The following CSMD1 variants were observed in gnomAD, a reference collection of about 807,000 sequenced individuals.
CSMD1 encodes the protein CUB and sushi domain-containing protein 1.
Under a neutral mutation model 417.5 loss-of-function variants are expected in CSMD1, and 213 were observed. That is an observed-to-expected ratio of 0.51 (90% CI 0.46 to 0.57). The LOEUF (loss-of-function observed/expected upper bound fraction) is 0.57. Among genes scored for constraint, CSMD1 ranks in the 20% least tolerant of loss-of-function variants. The probability of loss-of-function intolerance (pLI) is 0.00; values close to 1 mark genes in which losing one functional copy is unlikely to be tolerated. For missense variants in CSMD1, 6,923 were observed against 4,529.7 expected, an observed-to-expected ratio of 1.53 and a Z score of -15.17; for synonymous variants, 2,862 against 1,736.8, an observed-to-expected ratio of 1.65 and a Z score of -16.11.
intron 1 of CSMD1, among the ~76,000 whole-genome samples, chr8:4,711,446 C>G (rs1808291096): frequency 6.6e-6 from 1 of 151,648 alleles, no homozygotes; most frequent in Non-Finnish European, 1.5e-5. Flanking sequence ...CATTTTCAAA[C>G]AAAGGTGTGA....
chr8:3,744,808 ATTT>A (rs1168641195), intron 6 of CSMD1, among the ~76,000 whole-genome samples: 3 of 99,240 alleles, frequency 3.0e-5, no homozygotes, highest in Non-Finnish European at 5.0e-5. Flanking sequence ...ATTCTTATTT[ATTT>A]TGTTTCATAT....
chr8:3,680,895 A>T (rs1381620003), intron 7 of CSMD1, among the ~76,000 whole-genome samples: 2 of 152,234 alleles, frequency 1.3e-5, no homozygotes, highest in African/African-American at 4.8e-5. Context: ...TACGCAAATC[A>T]GTAAACGTAA....
intron 2 of CSMD1, among the ~76,000 whole-genome samples, chr8:4,624,089 T>C (rs1041192775): frequency 2.6e-5 from 4 of 152,296 alleles, no homozygotes; most frequent in East Asian, 1.9e-4. Context: ...AAATCTATTA[T>C]GTATCCAAGG....
chr8:4,664,682 G>A (rs1205908534), intron 1 of CSMD1, among the ~76,000 whole-genome samples: 1 of 152,108 alleles, frequency 6.6e-6, no homozygotes, highest in Non-Finnish European at 1.5e-5. Flanking sequence ...AACAGGTTGG[G>A]AGCCATACAC....
chr8:4,938,082 A>G (rs1387588111), intron 1 of CSMD1, among the ~76,000 whole-genome samples: 1 of 152,208 alleles, frequency 6.6e-6, no homozygotes, highest in African/African-American at 2.4e-5. Flanking sequence ...TTAAAATTTT[A>G]TCCCTTTTAG....
At chr8:3,401,695 G>C (rs1010363423) in intron 15 of CSMD1, among the ~76,000 whole-genome samples, 12 of 152,054 alleles carry the variant, frequency 7.9e-5, no homozygotes, top group African/African-American at 2.7e-4. Context: ...AGTTGCTATG[G>C]CAGGTGGAAA....
At chr8:3,666,187 C>T (rs1020787224) in intron 7 of CSMD1, among the ~76,000 whole-genome samples, 3 of 152,318 alleles carry the variant, frequency 2.0e-5, no homozygotes, top group South Asian at 2.1e-4. Flanking sequence ...TGAGCCACCA[C>T]GCTTGGCTTG....
At chr8:4,214,293 T>A (rs1016164057) in intron 3 of CSMD1, among the ~76,000 whole-genome samples, 10 of 152,332 alleles carry the variant, frequency 6.6e-5, no homozygotes, top group African/African-American at 2.4e-4. Flanking sequence ...AAATTAGTAG[T>A]AATAGTATTA....
chr8:4,633,805 C>G (rs576387954), intron 2 of CSMD1, among the ~76,000 whole-genome samples: 1 of 151,762 alleles, frequency 6.6e-6, no homozygotes, highest in African/African-American at 2.4e-5. Flanking sequence ...AGGTGATCCA[C>G]CCGCCTTAGC....
At chr8:3,513,291 A>G (rs1435218965) in intron 10 of CSMD1, among the ~76,000 whole-genome samples, 1 of 151,510 alleles carries the variant, frequency 6.6e-6, no homozygotes, top group Non-Finnish European at 1.5e-5. Flanking sequence ...GTATTTTCTG[A>G]GTGAAGAAAT....
intron 10 of CSMD1, among the ~76,000 whole-genome samples, chr8:3,571,690 C>T (rs2116923736): frequency 6.6e-6 from 1 of 152,120 alleles, no homozygotes; most frequent in Non-Finnish European, 1.5e-5. Context: ...TCCTCCCTCC[C>T]CATGCTTGAG....
intron 5 of CSMD1, among the ~76,000 whole-genome samples, chr8:3,813,293 T>C (rs1040323564): frequency 2.8e-4 from 42 of 152,172 alleles, no homozygotes; most frequent in Non-Finnish European, 3.2e-4. Context: ...TTTAATTGTA[T>C]AACCTTTAAT....
intron 3 of CSMD1, among the ~76,000 whole-genome samples, chr8:4,379,286 A>T (rs1015608579): frequency 2.0e-5 from 3 of 152,198 alleles, no homozygotes; most frequent in Admixed American, 1.3e-4. Flanking sequence ...GAAATCTTCA[A>T]AACTGTCAAG....
chr8:2,945,750 C>T (rs1224091376), intron 68 of CSMD1, among the ~76,000 whole-genome samples: 1 of 152,142 alleles, frequency 6.6e-6, no homozygotes, highest in African/African-American at 2.4e-5. Flanking sequence ...TCATTGCCCT[C>T]CTTCCACACG....
At chr8:4,115,097 C>T (rs746620256) in intron 3 of CSMD1, among the ~76,000 whole-genome samples, 2 of 152,068 alleles carry the variant, frequency 1.3e-5, no homozygotes, top group Non-Finnish European at 2.9e-5. Context: ...GAATTGAAAC[C>T]TAGAGATAAA....
At chr8:2,946,806 T>G (rs2721287) in intron 68 of CSMD1, among the ~76,000 whole-genome samples, 1 of 152,122 alleles carries the variant, frequency 6.6e-6, no homozygotes, top group Non-Finnish European at 1.5e-5. Context: ...ACTACCAGAG[T>G]GTTTTCCAGA....
Position 4,191,231 on chromosome 8 carries a change from C to G in CSMD1, c.416-159132G>C, listed in dbSNP as rs539233342. Among the ~76,000 whole-genome samples the G allele has an allele frequency of 5.3e-5, 8 of 152,120 alleles. No individual in the cohort carries two copies. In the East Asian group the frequency reaches 1.2e-3, roughly 22 times the overall value. On this transcript the variant is annotated intron_variant, in intron 3 of 69. Coordinates refer to ENST00000635120, the MANE Select transcript of CSMD1 (RefSeq NM_033225.6). ...CTAACATGGTGAAACCCCATCTGTA[C>G]TAAAAACACAAAAAATTAGCAGGGC...
intron 3 of CSMD1, among the ~76,000 whole-genome samples, chr8:4,296,978 A>G (rs926595701): frequency 2.0e-5 from 3 of 152,160 alleles, no homozygotes; most frequent in African/African-American, 4.8e-5. Context: ...TCAGATGACA[A>G]TAGTGCAAAG....
intron 3 of CSMD1, among the ~76,000 whole-genome samples, chr8:4,159,232 T>A (rs1026008942): frequency 6.6e-6 from 1 of 152,172 alleles, no homozygotes; most frequent in Non-Finnish European, 1.5e-5. Flanking sequence ...TCTTTATTGA[T>A]AGATAACCGT....
Sources: allele counts gnomAD v4.1 joint callset (sites outside exome capture counted in the v4.1 genomes callset), GRCh38; gene constraint gnomAD v4.1.1; transcripts MANE v1.5; gene names NCBI Gene and HGNC (gene_info 2026-07-23, HGNC 2026-07-21).